Variants in INTS9 observed in about 807,000 individuals in gnomAD.
The protein encoded by INTS9 is protein related to CPSF subunits of 74 kDa.
A neutral mutation model predicts 79.7 loss-of-function variants in INTS9; 55 were observed. The observed-to-expected ratio is 0.69, with a 90% CI of 0.56 to 0.86. INTS9 has a LOEUF of 0.86. INTS9 is among the 40% of genes least tolerant of loss of function. The probability of loss-of-function intolerance (pLI) is 0.00; values close to 1 mark genes in which losing one functional copy is unlikely to be tolerated. For missense variants in INTS9, 721 were observed against 831.5 expected (o/e 0.87, Z 1.64); for synonymous variants, 319 against 325.2 (o/e 0.98, Z 0.20).
chr8:28,867,052 C>T (rs188025219), intron 1 of INTS9, among the ~76,000 whole-genome samples: 116 of 152,098 alleles, frequency 7.6e-4, no homozygotes, highest in East Asian at 3.5e-3. Context: ...TTTGAGAGGC[C>T]GAGGTGGGTG....
At chr8:28,779,337 C>CT (rs1345409859) in intron 12 of INTS9, among the ~76,000 whole-genome samples, 1 of 152,206 alleles carries the variant, frequency 6.6e-6, no homozygotes, top group Non-Finnish European at 1.5e-5. Flanking sequence ...TCTCCTGGCA[C>CT]TTTCTGCCTG....
chr8:28,777,824 AT>A lies in INTS9; in HGVS notation c.1395+4del. 6.2e-7 allele frequency: 1 copy of A among 1,601,872 alleles called. No homozygotes were observed. Among genetic ancestry groups the A allele is most frequent in the Non-Finnish European group, 8.5e-7 (1 of 1,174,540 alleles). On this transcript the variant is annotated splice_donor_region_variant and intron_variant, in intron 13 of 16. Transcript: ENST00000521022. ...CGTGAAGGCACAAGCAGTGTCCTTC[AT>A]TACCTGCACTTCTTTAAGCAGCTTT...
intron 1 of INTS9, among the ~76,000 whole-genome samples, chr8:28,864,031 C>T (rs1808596228): frequency 6.6e-6 from 1 of 151,992 alleles, no homozygotes; most frequent in Non-Finnish European, 1.5e-5. Flanking sequence ...ATTTCTCATT[C>T]TGTTATTTTC....
chr8:28,780,669 T>C, intron 12 of INTS9, 154 bp downstream of exon 12: 1 of 985,474 alleles, frequency 1.0e-6, no homozygotes, highest in Non-Finnish European at 1.2e-6. Context: ...TCACTCTTTC[T>C]CTGCGGTTTC....
chr8:28,776,435 T>G (rs1802890009), intron 13 of INTS9, among the ~76,000 whole-genome samples: 1 of 86,486 alleles, frequency 1.2e-5, no homozygotes, highest in African/African-American at 4.7e-5. Flanking sequence ...GAGTTTTTTT[T>G]TTTTGTTTTT....
chr8:28,889,448 T>C (rs917263195), intron 1 of INTS9, among the ~76,000 whole-genome samples: 5 of 152,178 alleles, frequency 3.3e-5, no homozygotes, highest in African/African-American at 1.2e-4. Context: ...CTGCTGGATG[T>C]TTTTTACTGT....
At chr8:28,825,263 G>C (rs1358716107) in intron 6 of INTS9, among the ~76,000 whole-genome samples, 1 of 152,226 alleles carries the variant, frequency 6.6e-6, no homozygotes. Context: ...CTGGAAGGCT[G>C]TCATGGGAGT....
intron 9 of INTS9, among the ~76,000 whole-genome samples, chr8:28,796,105 T>A (rs1434554443): frequency 6.6e-6 from 1 of 152,070 alleles, no homozygotes; most frequent in East Asian, 1.9e-4. Context: ...AGGTCAGGAG[T>A]TCCAGACCAG....
intron 1 of INTS9, among the ~76,000 whole-genome samples, chr8:28,874,583 G>A (rs1332005087): frequency 1.3e-5 from 2 of 152,104 alleles, no homozygotes; most frequent in African/African-American, 4.8e-5. Context: ...ATGAGCCACT[G>A]CACCCGGCCA....
intron 14 of INTS9, among the ~76,000 whole-genome samples, chr8:28,773,842 A>G (rs951099498): frequency 2.6e-5 from 4 of 152,038 alleles, no homozygotes; most frequent in African/African-American, 9.7e-5. Flanking sequence ...ATATTTTTTG[A>G]GACAGAGTCT....
intron 9 of INTS9, among the ~76,000 whole-genome samples, chr8:28,794,702 T>C (rs1160251247): frequency 2.6e-5 from 4 of 152,212 alleles, no homozygotes; most frequent in Non-Finnish European, 5.9e-5. Flanking sequence ...ATTTTCAAGC[T>C]TTAGTTTGCG....
intron 6 of INTS9, among the ~76,000 whole-genome samples, chr8:28,833,528 G>A (rs1287933349): frequency 6.6e-6 from 1 of 151,866 alleles, no homozygotes; most frequent in African/African-American, 2.4e-5. Context: ...CCTGAGGCAC[G>A]AGAATCGCTT....
At chr8:28,770,458 G>T (rs1802465695) in intron 15 of INTS9, among the ~76,000 whole-genome samples, 1 of 152,218 alleles carries the variant, frequency 6.6e-6, no homozygotes, top group African/African-American at 2.4e-5. Flanking sequence ...ACGAAATGAT[G>T]ACAGCAGTGA....
intron 6 of INTS9, among the ~76,000 whole-genome samples, chr8:28,824,224 C>G (rs540544739): frequency 6.6e-5 from 10 of 152,310 alleles, no homozygotes; most frequent in African/African-American, 2.4e-4. Flanking sequence ...GCTGGCCTTC[C>G]CTCCCAGAAG....
intron 1 of INTS9, among the ~76,000 whole-genome samples, chr8:28,862,571 G>C (rs374831701): frequency 1.1e-3 from 169 of 152,252 alleles, no homozygotes; most frequent in African/African-American, 3.6e-3. Flanking sequence ...ATTCCCAGAA[G>C]TAGCACTAAC....
chr8:28,788,022 G>T, intron 10 of INTS9, 133 bp from the exon 11 acceptor site: 1 of 505,450 alleles, frequency 2.0e-6, no homozygotes, highest in Non-Finnish European at 3.6e-6. Flanking sequence ...ATTTCACTGT[G>T]AATGAAATCC....
intron 1 of INTS9, among the ~76,000 whole-genome samples, chr8:28,868,584 G>T (rs968880967): frequency 4.6e-5 from 7 of 152,098 alleles, no homozygotes; most frequent in Non-Finnish European, 1.0e-4. Context: ...TAAAGTACTA[G>T]TTCTAACTTT....
intron 14 of INTS9, among the ~76,000 whole-genome samples, chr8:28,774,127 G>T (rs184336922): frequency 6.6e-6 from 1 of 152,298 alleles, no homozygotes; most frequent in Admixed American, 6.5e-5. Context: ...TATCTTAAAT[G>T]ATATAATGTA....
intron 5 of INTS9, 77 bp from the exon 6 acceptor site, chr8:28,835,455 G>A (rs549334298): frequency 1.2e-5 from 10 of 865,090 alleles, no homozygotes; most frequent in African/African-American, 2.0e-5. Flanking sequence ...AGTTGGCCAG[G>A]AGAAATGACT....
Sources: allele counts gnomAD v4.1 joint callset (sites outside exome capture counted in the v4.1 genomes callset), GRCh38; gene constraint gnomAD v4.1.1; transcripts MANE v1.5; gene names NCBI Gene and HGNC (gene_info 2026-07-23, HGNC 2026-07-21).